The following EEPD1 variants were observed in gnomAD, a reference collection of about 807,000 sequenced individuals.
The protein encoded by EEPD1 is endonuclease/exonuclease/phosphatase family domain containing 1.
Under a neutral mutation model 46.3 loss-of-function variants are expected in EEPD1, and 17 were observed. The observed-to-expected ratio is 0.37, with a 90% CI of 0.25 to 0.55. EEPD1 has a LOEUF of 0.55. Ranked by LOEUF, EEPD1 falls within the 20% of genes least tolerant of loss-of-function variation. EEPD1 has a pLI of 0.83. For synonymous variants in EEPD1, 313 were observed against 315.6 expected, an observed-to-expected ratio of 0.99 and a Z score of 0.09; for missense variants, 673 against 745.6, an observed-to-expected ratio of 0.90 and a Z score of 1.13.
At position 36,154,818 on chromosome 7, in the gene EEPD1, G is replaced by T; in HGVS notation, c.494G>T (p.Arg165Leu). ...ATGGCCCTCAGCATCGTGGACTTCCGCCGTGAGCATGGGCCCTTTCGCAGC... is the reference window on the plus strand; with the variant it reads ...ATGGCCCTCAGCATCGTGGACTTCCTCCGTGAGCATGGGCCCTTTCGCAGC... ...EKMALSIVDF[R>L]REHGPFRSVE... Residue 165 changes from arginine (R) to leucine (L), a missense_variant, in exon 2 of 8, where the codon CGC becomes CTC. Coordinates refer to ENST00000242108, the MANE Select transcript of EEPD1 (RefSeq NM_030636.3). This position sits in a 1 kb window ranked among gnomAD's most constrained non-coding sequence, Gnocchi z 4.2. The T allele has an allele frequency of 6.2e-7, 1 of 1,614,186 alleles. No individual in the cohort carries two copies. The highest frequency in any genetic ancestry group is 8.5e-7 in the Non-Finnish European group (1 of 1,180,032).
chr7:36,238,866 C>G (rs1786504356), intron 2 of EEPD1, 119 bp from the exon 3 acceptor site: 2 of 857,422 alleles, frequency 2.3e-6, no homozygotes, highest in Non-Finnish European at 3.5e-6. Flanking sequence ...CTTAAGATGG[C>G]AGGTGACATA....
At chr7:36,251,570 A>T (rs1050454394) in intron 3 of EEPD1, among the ~76,000 whole-genome samples, 3 of 152,140 alleles carry the variant, frequency 2.0e-5, no homozygotes, top group Admixed American at 2.0e-4. Flanking sequence ...TTGGCCTCCC[A>T]GAGTGCTGGG....
chr7:36,202,840 T>C (rs1160789612), intron 2 of EEPD1, among the ~76,000 whole-genome samples: 1 of 152,234 alleles, frequency 6.6e-6, no homozygotes, highest in Admixed American at 6.5e-5. Flanking sequence ...AGCTGGGATT[T>C]GAACCCAGAA....
intron 2 of EEPD1, among the ~76,000 whole-genome samples, chr7:36,237,318 C>T (rs1786471716): frequency 6.6e-6 from 1 of 152,172 alleles, no homozygotes; most frequent in Admixed American, 6.5e-5. Context: ...AAGAACCCAC[C>T]AATTCTGGAC....
chr7:36,191,280 G>A (rs1442496688), intron 2 of EEPD1, among the ~76,000 whole-genome samples: 1 of 152,228 alleles, frequency 6.6e-6, no homozygotes, highest in Non-Finnish European at 1.5e-5. Context: ...AGGTTAGCCT[G>A]GTCATTCCTA....
intron 2 of EEPD1, among the ~76,000 whole-genome samples, chr7:36,237,422 C>T (rs1446606224): frequency 6.6e-6 from 1 of 152,122 alleles, no homozygotes; most frequent in African/African-American, 2.4e-5. Flanking sequence ...CAGGCATGAG[C>T]CACTGCGTTG....
chr7:36,216,933 A>G (rs1395169524), intron 2 of EEPD1, among the ~76,000 whole-genome samples: 1 of 152,248 alleles, frequency 6.6e-6, no homozygotes, highest in African/African-American at 2.4e-5. Flanking sequence ...TAGCAGAATT[A>G]TAGCTGATGT....
chr7:36,229,890 G>C (rs1363655186), intron 2 of EEPD1, among the ~76,000 whole-genome samples: 1 of 151,950 alleles, frequency 6.6e-6, no homozygotes, highest in Non-Finnish European at 1.5e-5. Context: ...CCTCCTGGAT[G>C]GTCTCTCCCC....
rs529842276 is a variant in EEPD1 at position 36,166,740 on chromosome 7, A to G, written c.878+11538A>G. ...TTGATTAATTCTGTTAGTTAAGATTATATATTTAAATATATAAATTTCTTT... is the reference window on the plus strand; with the variant it reads ...TTGATTAATTCTGTTAGTTAAGATTGTATATTTAAATATATAAATTTCTTT... On this transcript the variant is annotated intron_variant, in intron 2 of 7. Coordinates refer to ENST00000242108, the MANE Select transcript of EEPD1 (RefSeq NM_030636.3). Among the ~76,000 whole-genome samples, 104 of 152,348 alleles carry G rather than the reference A, an allele frequency of 6.8e-4. 1 individual carries two copies. The highest frequency in any genetic ancestry group is 3.4e-3 in the Middle Eastern group (1 of 294).
chr7:36,263,721 A>G (rs1344583616), intron 3 of EEPD1, among the ~76,000 whole-genome samples: 1 of 152,216 alleles, frequency 6.6e-6, no homozygotes, highest in East Asian at 1.9e-4. Context: ...CATGATTACA[A>G]TTCATGAGAC....
intron 3 of EEPD1, among the ~76,000 whole-genome samples, chr7:36,277,249 C>A (rs532018464): frequency 2.5e-4 from 38 of 152,392 alleles, no homozygotes; most frequent in African/African-American, 8.7e-4. Context: ...GGTTCAGACC[C>A]TCCCGCTAAC....
In EEPD1 at chr7:36,206,230, G is replaced by T. The variant is rs541393746; in HGVS notation, c.879-32755G>T. Among the ~76,000 whole-genome samples the T allele has an allele frequency of 1.2e-4, 19 of 152,166 alleles. No individual in the cohort carries two copies. In the South Asian group the frequency reaches 2.3e-3, roughly 18 times the overall value. On this transcript the variant is annotated intron_variant, in intron 2 of 7. Coordinates refer to ENST00000242108, the MANE Select transcript of EEPD1 (RefSeq NM_030636.3). ...CCTTGGGCTCCAGGGCTAGGTCAGA[G>T]AGAACAGTTCTCAGTGGACTGTCAG... is the stretch of plus-strand genomic sequence containing the variant.
chr7:36,243,526 G>A (rs1356311508), intron 3 of EEPD1, among the ~76,000 whole-genome samples: 1 of 152,066 alleles, frequency 6.6e-6, no homozygotes, highest in East Asian at 1.9e-4. Context: ...ATGACAACCG[G>A]CCTTTGAGTT....
chr7:36,283,409 G>A (rs1307259917), intron 4 of EEPD1, among the ~76,000 whole-genome samples: 2 of 152,138 alleles, frequency 1.3e-5, no homozygotes, highest in African/African-American at 4.8e-5. Flanking sequence ...GCCCCTGAAG[G>A]CTTTTGGGCG....
At chr7:36,218,452 CTCTCTT>C (rs2115739550) in intron 2 of EEPD1, among the ~76,000 whole-genome samples, 1 of 152,136 alleles carries the variant, frequency 6.6e-6, no homozygotes, top group South Asian at 2.1e-4. Flanking sequence ...AATGTGGTCT[CTCTCTT>C]TCTCAAAACA....
intron 2 of EEPD1, among the ~76,000 whole-genome samples, chr7:36,234,319 TG>T (rs1187489184): frequency 6.6e-6 from 1 of 152,150 alleles, no homozygotes; most frequent in African/African-American, 2.4e-5. Context: ...GGTGAGACAG[TG>T]TTTGCTTAGT....
chr7:36,277,432 T>C (rs1002729883), intron 3 of EEPD1, among the ~76,000 whole-genome samples: 1 of 152,176 alleles, frequency 6.6e-6, no homozygotes, highest in Admixed American at 6.5e-5. Flanking sequence ...AAACCAGGAT[T>C]CTCCAGCTTG....
chr7:36,166,555 T>TACAAACAA (rs36105929), intron 2 of EEPD1, among the ~76,000 whole-genome samples: 8 of 151,700 alleles, frequency 5.3e-5, no homozygotes, highest in African/African-American at 1.2e-4. Flanking sequence ...ACCCCTTCTC[T>TACAAACAA]ACAAACAAAC....
At chr7:36,278,225 G>A (rs1583476200) in intron 3 of EEPD1, among the ~76,000 whole-genome samples, 1 of 152,280 alleles carries the variant, frequency 6.6e-6, no homozygotes, top group East Asian at 1.9e-4. Context: ...GTCAGCCTGG[G>A]CCACCTCTTC....
Sources: gnomAD v4.1 joint callset for allele counts (sites outside exome capture counted in the v4.1 genomes callset) on GRCh38, gnomAD v4.1.1 for gene constraint, Gnocchi (gnomAD v3.1) non-coding constraint, MANE v1.5 for transcripts, NCBI Gene and HGNC (gene_info 2026-07-23, HGNC 2026-07-21) for gene names.